The following GMPPA variants were observed in gnomAD, a reference collection of about 807,000 sequenced individuals.
GMPPA encodes the protein mannose-1-phosphate guanylyltransferase regulatory subunit alpha.
A neutral mutation model predicts 58.6 loss-of-function variants in GMPPA; 46 were observed. The observed-to-expected ratio is 0.78, with a 90% CI of 0.62 to 1.00. GMPPA has a LOEUF of 1.00. GMPPA is among the 50% of genes least tolerant of loss of function. GMPPA has a pLI of 0.00. For synonymous variants in GMPPA, 211 were observed against 214.9 expected (o/e 0.98, Z 0.16); for missense variants, 468 against 556.4 (o/e 0.84, Z 1.60).
At chr2:219,501,819 C>T (rs1434409815) in intron 4 of GMPPA, 32 bp from the exon 5 acceptor site, 1 of 1,601,262 alleles carries the variant, frequency 6.2e-7, no homozygotes, top group South Asian at 1.1e-5. Flanking sequence ...TCCTAAGATC[C>T]ACTGAGCTGG....
At chr2:219,503,834 G>A (rs1694481673) in intron 6 of GMPPA, among the ~76,000 whole-genome samples, 1 of 152,230 alleles carries the variant, frequency 6.6e-6, no homozygotes. Flanking sequence ...GCGTCTGAGA[G>A]GTAGGTGGTG....
At chr2:219,500,524 C>T in intron 3 of GMPPA, 1 of 418,364 alleles carries the variant, frequency 2.4e-6, no homozygotes, top group South Asian at 3.1e-5. Context: ...TAATGATAAC[C>T]AAGCACAAAT....
chr2:219,505,883 G>A (rs1016785451), intron 10 of GMPPA, 97 bp from the exon 11 acceptor site: 9 of 1,138,604 alleles, frequency 7.9e-6, no homozygotes, highest in South Asian at 5.9e-5. Context: ...GTGTGTCCTC[G>A]AGCAGGTCAC....
At chr2:219,503,243 C>T (rs1198473605) in intron 6 of GMPPA, among the ~76,000 whole-genome samples, 1 of 152,046 alleles carries the variant, frequency 6.6e-6, no homozygotes, top group African/African-American at 2.4e-5. Context: ...TGCCGTTCTC[C>T]TGCCTCAGCC....
intron 3 of GMPPA, 164 bp from the exon 4 acceptor site, chr2:219,501,312 A>G (rs1694381578): frequency 1.6e-6 from 1 of 626,932 alleles, no homozygotes; most frequent in South Asian, 2.0e-5. Context: ...CTTCCTCCAA[A>G]TTCCTCATTG....
At chr2:219,503,053 C>T (rs927105368) in intron 6 of GMPPA, among the ~76,000 whole-genome samples, 12 of 152,062 alleles carry the variant, frequency 7.9e-5, no homozygotes, top group African/African-American at 2.2e-4. Context: ...ACTGCATCCT[C>T]GACCTCCCAG....
intron 11 of GMPPA, 60 bp from the exon 12 acceptor site, chr2:219,506,194 C>T: frequency 6.5e-7 from 1 of 1,540,634 alleles, no homozygotes; most frequent in Non-Finnish European, 8.9e-7. Context: ...ACACCTCACA[C>T]CCTCCGGTTC....
At position 219,504,219 on chromosome 2, in the gene GMPPA, G is replaced by A; in HGVS notation, c.620+6G>A. 6.2e-7 allele frequency: 1 copy of A among 1,613,796 alleles called. No homozygotes were observed. The highest frequency in any genetic ancestry group is 8.5e-7 in the Non-Finnish European group (1 of 1,179,802). On this transcript the variant is annotated splice_donor_region_variant and intron_variant, in intron 7 of 12. Transcript: ENST00000313597. ...AATCAGCAGGATGGGCAATTGTGAG[G>A]CAGGCCCCATAGCCCTGTGACCCCA...
intron 7 of GMPPA, 45 bp from the exon 8 acceptor site, chr2:219,505,183 G>C (rs1694533850): frequency 6.2e-7 from 1 of 1,603,130 alleles, no homozygotes; most frequent in Non-Finnish European, 8.5e-7. Context: ...CCCACAGTCG[G>C]GGCTCAGCTG....
chr2:219,502,383 CTA>C lies in GMPPA; in HGVS notation c.432_433del (p.Asn145GlnfsTer12). 6.2e-7 allele frequency: 1 copy of C among 1,613,776 alleles called. No individual in the cohort carries two copies. The highest frequency in any genetic ancestry group is 8.5e-7 in the Non-Finnish European group (1 of 1,179,730). ...GTCTCGGGTGTGTCTGTCTTTCAGG[CTA>C]ACAGGACGCAATCCCTCAACTACGG... On this transcript the variant is annotated frameshift_variant and splice_region_variant, in exon 6 of 13. Coordinates refer to ENST00000313597, the MANE Select transcript of GMPPA (RefSeq NM_013335.4). LOFTEE classifies it high-confidence loss of function. The surrounding 1 kb of genome is among the most constrained non-coding windows in gnomAD (Gnocchi z 4.0).
rs770582052 is a variant in GMPPA at position 219,506,356 on chromosome 2, C to T, written c.1096C>T (p.Arg366Ter). 1.6e-5 allele frequency: 26 copies of T among 1,613,780 alleles called. No individual in the cohort carries two copies. The highest frequency in any genetic ancestry group is 5.3e-5 in the African/African-American group (4 of 74,934). The stretch of plus-strand genomic sequence containing the variant: ...CAGTGACCCTAACCCCAACGATCCC[C>T]GAGCCCGCATGGACAGTGAGAGCCT... ...TPSDPNPNDP[R>*]ARMDSESLFK... The change falls in exon 12 of 13, where the codon CGA becomes TGA. Residue 366 changes from arginine (R) to a stop codon, truncating the protein, a stop_gained. Coordinates refer to ENST00000313597, the MANE Select transcript of GMPPA (RefSeq NM_013335.4). LOFTEE classifies it high-confidence loss of function.
rs1440427953 is a variant in GMPPA at position 219,506,268 on chromosome 2, T to C, written c.1008T>C (p.Val336=). The C allele has an allele frequency of 1.9e-6, 3 of 1,612,206 alleles. No homozygotes were observed. In the African/African-American group the frequency reaches 4.0e-5, roughly 22 times the overall value. The change falls in exon 12 of 13, where the codon GTT becomes GTC. Residue 336 remains valine, a synonymous_variant. Transcript: ENST00000313597. The stretch of plus-strand genomic sequence containing the variant: ...CTCTTTGGCAGGAGCACACGTGTGT[T>C]CTGCATAGCATCGTGGGCTGGGGGA... The part of the protein sequence containing the change: ...HGATLQEHTC[V]LHSIVGWGST...
At chr2:219,503,344 C>T (rs185320529) in intron 6 of GMPPA, among the ~76,000 whole-genome samples, 6 of 152,164 alleles carry the variant, frequency 3.9e-5, no homozygotes, top group Non-Finnish European at 8.8e-5. Context: ...AGGCTGGTCT[C>T]GAACTCCGGA....
At chr2:219,506,508 G>A (rs574565627) in intron 12 of GMPPA, 86 bp downstream of exon 12, 33 of 1,345,318 alleles carry the variant, frequency 2.5e-5, no homozygotes, top group East Asian at 2.3e-4. Context: ...CTGTGTGCAC[G>A]CGTGTTTCTT....
rs117877295 is a variant in GMPPA at position 219,504,515 on chromosome 2, C to T, written c.620+302C>T. ...GAACAGACAGCAACACACAGTTGGG[C>T]GCACACATGCTCGGGTGCAGACGTG... On this transcript the variant is annotated intron_variant, in intron 7 of 12. Transcript: ENST00000313597. 7.0e-3 allele frequency: 3,196 copies of T among 457,402 alleles called. 66 individuals are homozygous for T. The highest frequency in any genetic ancestry group is 0.056 in the East Asian group (1,406 of 25,184). The allele number at this position is 457,402 out of a possible 1,614,324, so 28.3% of individuals were successfully genotyped here. A position where few individuals can be genotyped will look rare whatever the true frequency, so the allele number is the denominator to read the frequency against.
At chr2:219,505,165 G>C (rs1308102050) in intron 7 of GMPPA, 63 bp from the exon 8 acceptor site, 27 of 1,565,890 alleles carry the variant, frequency 1.7e-5, no homozygotes, top group Non-Finnish European at 2.0e-5. Context: ...CTGGGAGACT[G>C]TGTTAGCCCC....
Position 219,501,833 on chromosome 2 carries a change from T to C in GMPPA, c.243-18T>C. The C allele has an allele frequency of 6.2e-7, 1 of 1,612,318 alleles. No homozygotes were observed. The highest frequency in any genetic ancestry group is 8.5e-7 in the Non-Finnish European group (1 of 1,178,566). On this transcript the variant is annotated intron_variant, in intron 4 of 12. Transcript: ENST00000313597. The stretch of plus-strand genomic sequence containing the variant: ...TTCCTAAGATCCACTGAGCTGGCTC[T>C]CGGGTCCCTGGGGACAGGTACCTGC...
rs985225336 is a variant in GMPPA at position 219,500,084 on chromosome 2, G to A, written c.41-37G>A. The A allele has an allele frequency of 5.0e-6, 8 of 1,599,308 alleles. No homozygotes were observed. The African/African-American group carries it at 1.1e-4, about 21-fold the overall frequency. ...GTAGGCGGGATGGGGGCAGAGGAAG[G>A]CAGGAGGCCGAAATGTTCTCCTCTC... On this transcript the variant is annotated intron_variant, in intron 2 of 12. Coordinates refer to ENST00000313597, the MANE Select transcript of GMPPA (RefSeq NM_013335.4).
Position 219,505,267 on chromosome 2 carries a change from C to T in GMPPA, c.660C>T (p.Ile220=), listed in dbSNP as rs1340538713. The T allele has an allele frequency of 6.2e-7, 1 of 1,613,962 alleles. No individual in the cohort carries two copies. The highest frequency in any genetic ancestry group is 1.3e-5 in the African/African-American group (1 of 74,944). The change falls in exon 8 of 13, where the codon ATC becomes ATT. Residue 220 remains isoleucine, a synonymous_variant. Coordinates refer to ENST00000313597, the MANE Select transcript of GMPPA (RefSeq NM_013335.4). ...GCTTGTGGCCAGGGGCAGGTACCAT[C>T]CGCCTAGAGCAGGATGTGTTTTCAG... The part of the protein sequence containing the change: ...SPGLWPGAGT[I]RLEQDVFSAL...
Sources: gnomAD v4.1 joint callset for allele counts (sites outside exome capture counted in the v4.1 genomes callset) on GRCh38, gnomAD v4.1.1 for gene constraint, Gnocchi (gnomAD v3.1) non-coding constraint, MANE v1.5 for transcripts, NCBI Gene and HGNC (gene_info 2026-07-23, HGNC 2026-07-21) for gene names.